Variants in NCOA1 observed in about 807,000 individuals in gnomAD.
NCOA1 encodes the protein nuclear receptor coactivator 1.
Under a neutral mutation model 150.9 loss-of-function variants are expected in NCOA1, and 35 were observed. The observed-to-expected ratio is 0.23, with a 90% confidence interval of 0.18 to 0.31. NCOA1 has a LOEUF of 0.31. Ranked by LOEUF, NCOA1 falls within the 10% of genes least tolerant of loss-of-function variation. The pLI, the probability that NCOA1 is intolerant of heterozygous loss-of-function variation, is 1.00. For synonymous variants in NCOA1, 590 were observed against 630.0 expected, an observed-to-expected ratio of 0.94 and a Z score of 0.95; for missense variants, 1,491 against 1,749.3, an observed-to-expected ratio of 0.85 and a Z score of 2.63.
intron 6 of NCOA1, among the ~76,000 whole-genome samples, chr2:24,670,247 A>G (rs971199272): frequency 1.3e-5 from 2 of 152,274 alleles, no homozygotes; most frequent in Non-Finnish European, 2.9e-5. Flanking sequence ...ACAGTCCAAC[A>G]GTTTCTCAAC....
intron 3 of NCOA1, among the ~76,000 whole-genome samples, chr2:24,598,700 CT>C (rs1667983806): frequency 6.6e-6 from 1 of 151,894 alleles, no homozygotes; most frequent in Non-Finnish European, 1.5e-5. Flanking sequence ...AAACAAAAAA[CT>C]TCTAGGAGTT....
intron 13 of NCOA1, 92 bp downstream of exon 13, chr2:24,707,980 A>G (rs1673541437): frequency 1.6e-5 from 23 of 1,421,866 alleles, no homozygotes; most frequent in Non-Finnish European, 1.9e-5. Context: ...ATGAATTCAT[A>G]CTATGTTTTA....
intron 3 of NCOA1, among the ~76,000 whole-genome samples, chr2:24,615,290 A>C (rs867759103): frequency 2.0e-5 from 3 of 152,220 alleles, no homozygotes; most frequent in African/African-American, 7.2e-5. Context: ...TTAGGCATGA[A>C]TCTCTGCTCA....
chr2:24,617,080 A>G (rs1281962257), intron 3 of NCOA1, among the ~76,000 whole-genome samples: 3 of 152,130 alleles, frequency 2.0e-5, no homozygotes, highest in Non-Finnish European at 2.9e-5. Flanking sequence ...CTACAAACTT[A>G]CCATCAAATA....
chr2:24,526,976 G>A (rs553350106), intron 1 of NCOA1, among the ~76,000 whole-genome samples: 3 of 152,050 alleles, frequency 2.0e-5, no homozygotes, highest in Admixed American at 1.3e-4. Context: ...AAGTATATAG[G>A]ACAATATGCA....
intron 19 of NCOA1, among the ~76,000 whole-genome samples, chr2:24,746,066 G>A (rs913715662): frequency 2.6e-5 from 4 of 152,168 alleles, no homozygotes; most frequent in South Asian, 2.1e-4. Context: ...AGTTCCTTAC[G>A]TGAGCAGAGT....
chr2:24,699,828 A>G (rs1673069127), intron 11 of NCOA1, among the ~76,000 whole-genome samples: 1 of 152,214 alleles, frequency 6.6e-6, no homozygotes, highest in African/African-American at 2.4e-5. Flanking sequence ...GCCTGCCCAG[A>G]TATCTTAACA....
chr2:24,687,311 T>G (rs1672451236), intron 8 of NCOA1, among the ~76,000 whole-genome samples: 1 of 152,052 alleles, frequency 6.6e-6, no homozygotes, highest in Non-Finnish European at 1.5e-5. Context: ...ACCGAATAGA[T>G]CAGGATAAAC....
intron 3 of NCOA1, among the ~76,000 whole-genome samples, chr2:24,640,294 T>C (rs1357687722): frequency 2.0e-5 from 3 of 152,114 alleles, no homozygotes; most frequent in African/African-American, 4.8e-5. Flanking sequence ...CATTTGCCAG[T>C]TGTTGGATGT....
Position 24,707,476 on chromosome 2 carries a change from C to T in NCOA1, c.2006C>T (p.Ala669Val), listed in dbSNP as rs369068593. ...SCTGTSNSAS[A>V]NSSGGSCPSS... is the part of the protein sequence containing the mutation. Reference sequence around the variant, plus strand: ...ACAGGCACTTCCAACTCTGCCTCTGCTAACTCTTCAGGAGGTTCTTGTCCC... The same window carrying T: ...ACAGGCACTTCCAACTCTGCCTCTGTTAACTCTTCAGGAGGTTCTTGTCCC... The change falls in exon 13 of 23, where the codon GCT becomes GTT. Residue 669 changes from alanine (A) to valine (V), a missense_variant. By Grantham distance (64) the Ala-to-Val change is moderately conservative. This residue lies in a region of NCOA1 where 703 missense variants were observed against 717.7 expected (regional missense o/e 0.98). Transcript: ENST00000348332. The T allele has an allele frequency of 1.2e-6, 2 of 1,614,236 alleles. No homozygotes were observed. The highest frequency in any genetic ancestry group is 1.7e-6 in the Non-Finnish European group (2 of 1,180,036).
chr2:24,617,382 A>G (rs56239985), intron 3 of NCOA1, among the ~76,000 whole-genome samples: 22 of 151,950 alleles, frequency 1.4e-4, no homozygotes, highest in Non-Finnish European at 2.9e-4. Context: ...TTTTACCTCT[A>G]TCCATTTTCT....
intron 3 of NCOA1, among the ~76,000 whole-genome samples, chr2:24,635,665 CA>C (rs1043289766): frequency 2.0e-5 from 3 of 152,018 alleles, no homozygotes; most frequent in African/African-American, 4.8e-5. Flanking sequence ...TTATCAATTA[CA>C]AAGTAATAAT....
intron 19 of NCOA1, among the ~76,000 whole-genome samples, chr2:24,744,253 A>C (rs1345233619): frequency 6.6e-6 from 1 of 152,194 alleles, no homozygotes; most frequent in Non-Finnish European, 1.5e-5. Context: ...AAATATTTTC[A>C]CAAAATAAGA....
intron 5 of NCOA1, 85 bp downstream of exon 5, chr2:24,658,851 C>T (rs771534878): frequency 1.2e-5 from 15 of 1,208,564 alleles, no homozygotes; most frequent in Non-Finnish European, 1.8e-5. Flanking sequence ...TAATCTACTC[C>T]AAGTTCAGTG....
chr2:24,627,396 T>C (rs1408120582), intron 3 of NCOA1, among the ~76,000 whole-genome samples: 1 of 152,178 alleles, frequency 6.6e-6, no homozygotes, highest in Non-Finnish European at 1.5e-5. Context: ...TGGAAACAAA[T>C]AGTTTTACTG....
In NCOA1 at chr2:24,555,603, A is replaced by G. The variant is rs557652056; in HGVS notation, c.-395-8692A>G. Among the ~76,000 whole-genome samples the G allele has an allele frequency of 3.9e-5, 6 of 152,300 alleles. No homozygotes were observed. The East Asian group carries it at 1.2e-3, about 29-fold the overall frequency. Reference sequence around the variant, plus strand: ...TTTGCCTATTTCTCTTTACAGTCCTATCAGTTTTTGTTTCATTTAATTTGA... The same window carrying G: ...TTTGCCTATTTCTCTTTACAGTCCTGTCAGTTTTTGTTTCATTTAATTTGA... On this transcript the variant is annotated intron_variant, in intron 1 of 22. Transcript: ENST00000348332.
intron 20 of NCOA1, among the ~76,000 whole-genome samples, chr2:24,756,753 A>G (rs918931928): frequency 9.2e-5 from 14 of 152,232 alleles, no homozygotes; most frequent in African/African-American, 3.4e-4. Context: ...TATCTGTATC[A>G]ATGAAAATTT....
intron 1 of NCOA1, among the ~76,000 whole-genome samples, chr2:24,558,717 C>T (rs1321458606): frequency 6.6e-6 from 1 of 152,156 alleles, no homozygotes; most frequent in South Asian, 2.1e-4. Context: ...TGCAAGGCCA[C>T]CAAATTAGGA....
chr2:24,762,941 T>C (rs1664859117), intron 22 of NCOA1, among the ~76,000 whole-genome samples, 165 bp downstream of exon 22: 1 of 152,228 alleles, frequency 6.6e-6, no homozygotes, highest in African/African-American at 2.4e-5. Flanking sequence ...GGAGCTTTCC[T>C]GAGCTGCTGT....
Sources: allele counts gnomAD v4.1 joint callset (sites outside exome capture counted in the v4.1 genomes callset), GRCh38; gene constraint gnomAD v4.1.1; regional missense constraint gnomAD v4.1.1; transcripts MANE v1.5; gene names NCBI Gene and HGNC (gene_info 2026-07-23, HGNC 2026-07-21).